SPSB1: variants seen among roughly 807,000 people sequenced by gnomAD.
SPSB1 encodes splA/ryanodine receptor domain and SOCS box containing 1, also known as SPRY domain-containing SOCS box protein 1.
A neutral mutation model predicts 21.2 loss-of-function variants in SPSB1; 8 were observed. That is an observed-to-expected ratio of 0.38 (90% CI 0.22 to 0.68). The LOEUF (loss-of-function observed/expected upper bound fraction) is 0.68. Ranked by LOEUF, SPSB1 falls within the 30% of genes least tolerant of loss-of-function variation. The pLI is 0.53. For synonymous variants in SPSB1, 169 were observed against 161.7 expected (o/e 1.05, Z -0.34); for missense variants, 242 against 377.8 (o/e 0.64, Z 2.98).
intron 1 of SPSB1, among the ~76,000 whole-genome samples, chr1:9,315,468 G>A (rs961623797): frequency 2.0e-5 from 3 of 152,222 alleles, no homozygotes; most frequent in Non-Finnish European, 2.9e-5. Flanking sequence ...TGCTCTCCCC[G>A]TTTTACAGAT....
Position 9,363,742 on chromosome 1 carries a change from C to T in SPSB1, c.695-3706C>T, listed in dbSNP as rs558243918. On this transcript the variant is annotated intron_variant, in intron 2 of 2. Coordinates refer to ENST00000328089, the MANE Select transcript of SPSB1 (RefSeq NM_025106.4). This position sits in a 1 kb window ranked among gnomAD's most constrained non-coding sequence, Gnocchi z 4.5. Reference sequence around the variant, plus strand: ...GGAGATGGAGTCTCATTCTGTCACCCAGGCTGTAGTGCAGTGGCGCAATCT... The same window carrying T: ...GGAGATGGAGTCTCATTCTGTCACCTAGGCTGTAGTGCAGTGGCGCAATCT... Among the ~76,000 whole-genome samples, 1 of 152,196 alleles carries T rather than the reference C, an allele frequency of 6.6e-6. No individual in the cohort carries two copies. Among genetic ancestry groups the T allele is most frequent in the East Asian group, 1.9e-4 (1 of 5,172 alleles).
chr1:9,336,168 C>T (rs775287638), intron 1 of SPSB1, among the ~76,000 whole-genome samples: 5 of 152,126 alleles, frequency 3.3e-5, no homozygotes, highest in Non-Finnish European at 7.3e-5. Context: ...TGTTATTTCT[C>T]GGGTTGTTAA....
intron 1 of SPSB1, among the ~76,000 whole-genome samples, chr1:9,320,849 C>T (rs889128092): frequency 8.6e-5 from 13 of 151,966 alleles, no homozygotes; most frequent in African/African-American, 2.9e-4. Context: ...CGTCCTGCGC[C>T]GGGTTTAGCA....
At position 9,321,517 on chromosome 1, in the gene SPSB1, G is replaced by A. The variant is rs920731794; in HGVS notation, c.-150+28446G>A. ...CAGACCTTTACCGAACACTTACTGCGTGCCAAGGATTCAGCTCAGAACGGG... is the reference window on the plus strand; with the variant it reads ...CAGACCTTTACCGAACACTTACTGCATGCCAAGGATTCAGCTCAGAACGGG... On this transcript the variant is annotated intron_variant, in intron 1 of 2. Coordinates refer to ENST00000328089, the MANE Select transcript of SPSB1 (RefSeq NM_025106.4). This position sits in a 1 kb window ranked among gnomAD's most constrained non-coding sequence, Gnocchi z 4.8. 1.9e-4 allele frequency among the ~76,000 whole-genome samples: 29 copies of A among 152,166 alleles called. No homozygotes were observed. The highest frequency in any genetic ancestry group is 1.4e-3 in the Admixed American group (21 of 15,282).
intron 1 of SPSB1, among the ~76,000 whole-genome samples, chr1:9,352,082 G>A (rs547135616): frequency 6.6e-6 from 1 of 152,332 alleles, no homozygotes; most frequent in East Asian, 1.9e-4. Context: ...TGGGGTGAGG[G>A]GGTGGAGGGA....
chr1:9,335,289 G>T (rs1223572446), intron 1 of SPSB1, among the ~76,000 whole-genome samples: 1 of 151,180 alleles, frequency 6.6e-6, no homozygotes, highest in African/African-American at 2.4e-5. Flanking sequence ...ATCACCTGAG[G>T]TCAGGAGTTT....
chr1:9,368,442 G>A lies in SPSB1; in HGVS notation c.*867G>A, dbSNP rs1433528159. 3 of 152,182 alleles carry A rather than the reference G, an allele frequency of 2.0e-5. No individual in the cohort carries two copies. Among genetic ancestry groups the A allele is most frequent in the African/African-American group, 7.2e-5 (3 of 41,458 alleles). The allele number at this position is 152,182 out of a possible 1,614,324, so 9.4% of individuals were successfully genotyped here. A position where few individuals can be genotyped will look rare whatever the true frequency, so the allele number is the denominator to read the frequency against. On this transcript the variant is annotated 3_prime_UTR_variant, in exon 3 of 3. Transcript: ENST00000328089. Reference sequence around the variant, plus strand: ...GCCCCTCAGGGAGAAATAGCCTCACGTGCAATCTGGGTGTCTTCGGGGGCC... The same window carrying A: ...GCCCCTCAGGGAGAAATAGCCTCACATGCAATCTGGGTGTCTTCGGGGGCC...
chr1:9,342,441 C>T (rs1033802298), intron 1 of SPSB1, among the ~76,000 whole-genome samples: 16 of 152,210 alleles, frequency 1.1e-4, no homozygotes, highest in Non-Finnish European at 2.4e-4. Flanking sequence ...TGGGAGAGCA[C>T]GGAGGATCCC....
chr1:9,300,555 T>C (rs973351275), intron 1 of SPSB1, among the ~76,000 whole-genome samples: 1 of 152,230 alleles, frequency 6.6e-6, no homozygotes, highest in Non-Finnish European at 1.5e-5. Flanking sequence ...TCATTCCTTT[T>C]GAGAGACAGC....
Position 9,317,628 on chromosome 1 carries a change from C to A in SPSB1, c.-150+24557C>A, listed in dbSNP as rs1399432390. The stretch of plus-strand genomic sequence containing the variant: ...GGGACCTCAGGTATGCACTACCACG[C>A]CCAGATATATATATATTTTTGTATT... On this transcript the variant is annotated intron_variant, in intron 1 of 2. Transcript: ENST00000328089. This position sits in a 1 kb window ranked among gnomAD's most constrained non-coding sequence, Gnocchi z 4.3. Among the ~76,000 whole-genome samples, 4 of 152,040 alleles carry A rather than the reference C, an allele frequency of 2.6e-5. No individual in the cohort carries two copies. Among genetic ancestry groups the A allele is most frequent in the Non-Finnish European group, 4.4e-5 (3 of 68,022 alleles).
At chr1:9,343,963 T>A (rs1054412043) in intron 1 of SPSB1, among the ~76,000 whole-genome samples, 1 of 152,110 alleles carries the variant, frequency 6.6e-6, no homozygotes, top group Non-Finnish European at 1.5e-5. Flanking sequence ...TTTTTTGTAT[T>A]TTTAAAAGTA....
Position 9,363,585 on chromosome 1 carries a change from C to T in SPSB1, c.695-3863C>T, listed in dbSNP as rs2100522641. 6.6e-6 allele frequency among the ~76,000 whole-genome samples: 1 copy of T among 152,308 alleles called. No homozygotes were observed. The highest frequency in any genetic ancestry group is 1.9e-4 in the East Asian group (1 of 5,180). ...TGTAGGTTGGGGTCACAGTCCCCATCAGGCACACGACTGGTGCCCCACAGG... is the reference window on the plus strand; with the variant it reads ...TGTAGGTTGGGGTCACAGTCCCCATTAGGCACACGACTGGTGCCCCACAGG... On this transcript the variant is annotated intron_variant, in intron 2 of 2. Coordinates refer to ENST00000328089, the MANE Select transcript of SPSB1 (RefSeq NM_025106.4). The surrounding 1 kb of genome is among the most constrained non-coding windows in gnomAD (Gnocchi z 4.5).
At chr1:9,334,188 C>A (rs1254592360) in intron 1 of SPSB1, among the ~76,000 whole-genome samples, 1 of 152,124 alleles carries the variant, frequency 6.6e-6, no homozygotes, top group Admixed American at 6.5e-5. Flanking sequence ...CGGGCTCAAG[C>A]AATTCTCCTG....
chr1:9,353,381 C>T (rs1377144012), intron 1 of SPSB1, among the ~76,000 whole-genome samples: 4 of 152,246 alleles, frequency 2.6e-5, no homozygotes, highest in East Asian at 1.9e-4. Context: ...CCCTCTGCAG[C>T]GCCATGGAGG....
rs1639642246 is a variant in SPSB1 at position 9,317,971 on chromosome 1, G to A, written c.-150+24900G>A. On this transcript the variant is annotated intron_variant, in intron 1 of 2. Coordinates refer to ENST00000328089, the MANE Select transcript of SPSB1 (RefSeq NM_025106.4). The surrounding 1 kb of genome is among the most constrained non-coding windows in gnomAD (Gnocchi z 4.3). ...TGTGCCAGGCTCGGCCCGAGCATCT[G>A]TGGAACCAGAGGAAGCTGGGTGGAC... Among the ~76,000 whole-genome samples the A allele has an allele frequency of 2.0e-5, 3 of 152,244 alleles. No individual in the cohort carries two copies. The highest frequency in any genetic ancestry group is 2.4e-5 in the African/African-American group (1 of 41,544).
At chr1:9,340,898 G>A (rs1026101466) in intron 1 of SPSB1, among the ~76,000 whole-genome samples, 19 of 152,196 alleles carry the variant, frequency 1.2e-4, no homozygotes, top group Non-Finnish European at 1.0e-4. Flanking sequence ...ACCTGGCTGC[G>A]GTGCGGGGAG....
chr1:9,310,988 A>G (rs1188169159), intron 1 of SPSB1, among the ~76,000 whole-genome samples: 1 of 152,106 alleles, frequency 6.6e-6, no homozygotes, highest in Admixed American at 6.5e-5. Flanking sequence ...GAATGTTCAA[A>G]AAGATAAATA....
At position 9,293,148 on chromosome 1, in the gene SPSB1, A is replaced by G. The variant is rs191838451; in HGVS notation, c.-150+77A>G. The stretch of plus-strand genomic sequence containing the variant: ...AGGGGGAGGCGCGGGGGGCCGGGCG[A>G]GGGCGGACGCGGGGATCGCGCCGCT... On this transcript the variant is annotated intron_variant, in intron 1 of 2. Coordinates refer to ENST00000328089, the MANE Select transcript of SPSB1 (RefSeq NM_025106.4). This position sits in a 1 kb window ranked among gnomAD's most constrained non-coding sequence, Gnocchi z 5.1. 0.5 allele frequency: 487,924 copies of G among 978,366 alleles called. 122,073 individuals carry two copies. Among genetic ancestry groups the G allele is most frequent in the East Asian group, 0.63 (5,302 of 8,476 alleles). 60.6% of individuals were successfully genotyped at this position (978,366 alleles called of 1,614,324 possible).
intron 1 of SPSB1, among the ~76,000 whole-genome samples, chr1:9,336,903 C>A (rs1640014017): frequency 6.6e-6 from 1 of 152,166 alleles, no homozygotes; most frequent in Non-Finnish European, 1.5e-5. Flanking sequence ...GGGGAAGGAG[C>A]CTTCTAACCT....
Sources: gnomAD v4.1 joint callset for allele counts (sites outside exome capture counted in the v4.1 genomes callset) on GRCh38, gnomAD v4.1.1 for gene constraint, Gnocchi (gnomAD v3.1) non-coding constraint, MANE v1.5 for transcripts, NCBI Gene and HGNC (gene_info 2026-07-23, HGNC 2026-07-21) for gene names.